Variants in SHC4 observed in about 807,000 individuals in gnomAD.
The protein encoded by SHC4 is SHC adaptor protein 4.
A neutral mutation model predicts 69.4 loss-of-function variants in SHC4; 41 were observed. The ratio of observed to expected loss-of-function variants is 0.59; its 90% CI spans 0.46 to 0.77. SHC4 has a LOEUF of 0.77. Among genes scored for constraint, SHC4 ranks in the 30% least tolerant of loss-of-function variants. The probability of loss-of-function intolerance (pLI) is 0.00; values close to 1 mark genes in which losing one functional copy is unlikely to be tolerated. For missense variants in SHC4, 777 were observed against 783.8 expected (o/e 0.99, Z 0.10); for synonymous variants, 318 against 299.3 (o/e 1.06, Z -0.64).
chr15:48,938,305 C>T (rs1901111058), intron 1 of SHC4: 1 of 152,212 alleles, frequency 6.6e-6, no homozygotes, highest in Non-Finnish European at 1.5e-5. Context: ...AACAATGCAA[C>T]TTACAGGAAG....
intron 3 of SHC4, 58 bp from the exon 4 acceptor site, chr15:48,884,425 T>C (rs1899997936): frequency 6.9e-7 from 1 of 1,442,814 alleles, no homozygotes; most frequent in African/African-American, 1.5e-5. Context: ...ACAGAATAAA[T>C]GTTAATGTTT....
intron 1 of SHC4, among the ~76,000 whole-genome samples, chr15:48,942,998 T>C (rs1402020597): frequency 2.0e-5 from 3 of 152,194 alleles, no homozygotes; most frequent in Admixed American, 2.0e-4. Context: ...TCACTTCCTT[T>C]AACATTCTTC....
intron 2 of SHC4, among the ~76,000 whole-genome samples, chr15:48,922,809 C>A (rs945360309): frequency 2.0e-5 from 3 of 152,288 alleles, no homozygotes; most frequent in Non-Finnish European, 2.9e-5. Flanking sequence ...GATTAAGAAT[C>A]TTCAAAATGG....
chr15:48,928,418 T>A (rs1900894793), intron 1 of SHC4, among the ~76,000 whole-genome samples: 1 of 151,864 alleles, frequency 6.6e-6, no homozygotes, highest in Admixed American at 6.6e-5. Context: ...AAACAGACAT[T>A]TATGTTCAGA....
At chr15:48,935,499 A>C (rs1367618679) in intron 1 of SHC4, among the ~76,000 whole-genome samples, 1 of 152,236 alleles carries the variant, frequency 6.6e-6, no homozygotes, top group Non-Finnish European at 1.5e-5. Context: ...ATGTTCAGGA[A>C]GTCTCAAAAT....
rs1219965367 is a variant in SHC4 at position 48,890,823 on chromosome 15, A to C, written c.657-12T>G. On this transcript the variant is annotated splice_polypyrimidine_tract_variant and intron_variant, in intron 2 of 11. Coordinates refer to ENST00000332408, the MANE Select transcript of SHC4 (RefSeq NM_203349.4). ...GACTTATTGCTTCCCTAAAGAACAG[A>C]AACCATATAAATAAAGACTTAGCAT... 6.2e-7 allele frequency: 1 copy of C among 1,614,098 alleles called. No individual in the cohort carries two copies.
At chr15:48,961,438 TC>T (rs1901544919) in intron 1 of SHC4, among the ~76,000 whole-genome samples, 1 of 152,068 alleles carries the variant, frequency 6.6e-6, no homozygotes, top group Admixed American at 6.6e-5. Flanking sequence ...TCTCCAGCAT[TC>T]CCCTTCCTCC....
chr15:48,958,556 A>G (rs1292955665), intron 1 of SHC4, among the ~76,000 whole-genome samples: 1 of 152,226 alleles, frequency 6.6e-6, no homozygotes, highest in African/African-American at 2.4e-5. Flanking sequence ...CTTTGAGCCA[A>G]GTTGAGAATT....
intron 2 of SHC4, among the ~76,000 whole-genome samples, chr15:48,922,516 T>C (rs2141023279): frequency 6.6e-6 from 1 of 152,326 alleles, no homozygotes; most frequent in Middle Eastern, 3.4e-3. Context: ...TCAGCCAGGT[T>C]CTTCTTGCTG....
chr15:48,903,386 C>T (rs1487019444), intron 2 of SHC4, among the ~76,000 whole-genome samples: 3 of 152,144 alleles, frequency 2.0e-5, no homozygotes, highest in African/African-American at 7.2e-5. Context: ...CTCACTCTTC[C>T]CAAAAGGAAT....
intron 1 of SHC4, among the ~76,000 whole-genome samples, chr15:48,954,744 A>G (rs1901416133): frequency 6.6e-6 from 1 of 152,086 alleles, no homozygotes; most frequent in Non-Finnish European, 1.5e-5. Flanking sequence ...TGCCAAAACC[A>G]AGTTTAGTCT....
intron 1 of SHC4, 96 bp from the exon 2 acceptor site, chr15:48,925,045 G>C: frequency 7.9e-7 from 1 of 1,272,380 alleles, no homozygotes; most frequent in Non-Finnish European, 1.1e-6. Flanking sequence ...CCTAAAATCA[G>C]CTTCTGCTAT....
At chr15:48,937,583 C>CATAGATAGGTAG (rs1555438113) in intron 1 of SHC4, among the ~76,000 whole-genome samples, 1 of 147,808 alleles carries the variant, frequency 6.8e-6, no homozygotes, top group Non-Finnish European at 1.5e-5. Context: ...CACACAGACA[C>CATAGATAGGTAG]ATAGATAGAT....
chr15:48,867,633 A>G (rs549538820), intron 6 of SHC4, among the ~76,000 whole-genome samples, 185 bp downstream of exon 6: 1 of 152,214 alleles, frequency 6.6e-6, no homozygotes, highest in Non-Finnish European at 1.5e-5. Context: ...TCATCTACAT[A>G]GTTTTTCTAC....
chr15:48,850,194 C>T (rs948102429), intron 9 of SHC4, among the ~76,000 whole-genome samples: 1 of 151,768 alleles, frequency 6.6e-6, no homozygotes, highest in African/African-American at 2.4e-5. Context: ...CAGAGTGAGC[C>T]TTTGTCTGAA....
chr15:48,840,362 T>G (rs1898969155), intron 10 of SHC4, among the ~76,000 whole-genome samples: 1 of 152,216 alleles, frequency 6.6e-6, no homozygotes, highest in African/African-American at 2.4e-5. Flanking sequence ...ATAAAGATTG[T>G]GTCAGAACTT....
intron 2 of SHC4, among the ~76,000 whole-genome samples, chr15:48,899,059 A>C (rs1414569097): frequency 6.6e-6 from 1 of 151,908 alleles, no homozygotes; most frequent in African/African-American, 2.4e-5. Flanking sequence ...AAAAAAAAAA[A>C]AAACCGAAAA....
At chr15:48,890,661 A>G (rs969282124) in intron 3 of SHC4, 87 bp downstream of exon 3, 1 of 1,479,906 alleles carries the variant, frequency 6.8e-7, no homozygotes. Context: ...GACCTTGGTC[A>G]TATGGTGGGA....
chr15:48,915,848 C>T (rs1567068950), intron 2 of SHC4, among the ~76,000 whole-genome samples: 1 of 152,138 alleles, frequency 6.6e-6, no homozygotes, highest in African/African-American at 2.4e-5. Flanking sequence ...CCTTAGCACT[C>T]TTCTCAGTAA....
Sources: gnomAD v4.1 joint callset for allele counts (sites outside exome capture counted in the v4.1 genomes callset) on GRCh38, gnomAD v4.1.1 for gene constraint, MANE v1.5 for transcripts, NCBI Gene and HGNC (gene_info 2026-07-23, HGNC 2026-07-21) for gene names.